GRK3: variants seen among roughly 807,000 people sequenced by gnomAD.
The protein encoded by GRK3 is adrenergic, beta, receptor kinase 2.
A neutral mutation model predicts 95.7 loss-of-function variants in GRK3; 54 were observed. That is an observed-to-expected ratio of 0.56 (90% CI 0.45 to 0.71). The LOEUF is 0.71. Ranked by LOEUF, GRK3 falls within the 30% of genes least tolerant of loss-of-function variation. The pLI, the probability that GRK3 is intolerant of heterozygous loss-of-function variation, is 0.00. For synonymous variants in GRK3, 281 were observed against 290.8 expected (o/e 0.97, Z 0.34); for missense variants, 649 against 851.2 (o/e 0.76, Z 2.96).
chr22:25,688,745 G>C (rs1031128383), intron 11 of GRK3, among the ~76,000 whole-genome samples: 1 of 152,254 alleles, frequency 6.6e-6, no homozygotes, highest in Admixed American at 6.5e-5. Flanking sequence ...AGCTGGCTCA[G>C]GGTGTCCATG....
Position 25,644,609 on chromosome 22 carries a change from G to C in GRK3, c.208G>C (p.Asp70His). ...NQKIGFLLFK[D>H]FCLNEINEAV... ...TCCTTTAGGTTTCTTGCTATTTAAAGATTTTTGTTTGAATGAAATTAATGA... is the reference window on the plus strand; with the variant it reads ...TCCTTTAGGTTTCTTGCTATTTAAACATTTTTGTTTGAATGAAATTAATGA... Residue 70 changes from aspartate to histidine, a missense_variant, in exon 3 of 21, where the codon GAT (aspartate) becomes CAT (histidine). Transcript: ENST00000324198. The C allele has an allele frequency of 6.4e-7, 1 of 1,560,312 alleles. No individual in the cohort carries two copies. The highest frequency in any genetic ancestry group is 8.8e-7 in the Non-Finnish European group (1 of 1,139,042).
chr22:25,699,672 CTATTTTCTTT>C (rs1254739009), intron 13 of GRK3, among the ~76,000 whole-genome samples: 1 of 148,886 alleles, frequency 6.7e-6, no homozygotes, highest in African/African-American at 2.5e-5. Context: ...AAGGGTCTTT[CTATTTTCTTT>C]TCTTTTCTTT....
chr22:25,670,396 G>T (rs2084971396), intron 6 of GRK3, among the ~76,000 whole-genome samples: 1 of 152,196 alleles, frequency 6.6e-6, no homozygotes, highest in South Asian at 2.1e-4. Context: ...AGCCACTTGG[G>T]GGGCTGAGGT....
intron 5 of GRK3, among the ~76,000 whole-genome samples, chr22:25,665,998 C>T (rs1389395706): frequency 3.3e-5 from 5 of 152,124 alleles, no homozygotes; most frequent in East Asian, 1.9e-4. Context: ...CGAATTCTCA[C>T]GACAGCCTTA....
At chr22:25,606,578 C>T (rs1187468414) in intron 2 of GRK3, among the ~76,000 whole-genome samples, 1 of 152,154 alleles carries the variant, frequency 6.6e-6, no homozygotes, top group East Asian at 1.9e-4. Context: ...CCTACTCTTT[C>T]CCTTCTCCAT....
chr22:25,590,330 G>A (rs1406781489), intron 1 of GRK3, among the ~76,000 whole-genome samples: 1 of 151,462 alleles, frequency 6.6e-6, no homozygotes, highest in Non-Finnish European at 1.5e-5. Flanking sequence ...AAAGAATACT[G>A]TTTTACTTGA....
In GRK3 at chr22:25,695,105, A is replaced by G; in HGVS notation, c.1053-2A>G. 1.9e-6 allele frequency: 3 copies of G among 1,611,216 alleles called. No homozygotes were observed. Among genetic ancestry groups the G allele is most frequent in the Non-Finnish European group, 2.5e-6 (3 of 1,177,622 alleles). ...TAACTGTGTATACTTTCTTCTCCCT[A>G]GTGGCACCCATGGGTACATGGCTCC... On this transcript the variant is annotated splice_acceptor_variant, in intron 12 of 20. Coordinates refer to ENST00000324198, the MANE Select transcript of GRK3 (RefSeq NM_005160.4). LOFTEE classifies it high-confidence loss of function.
chr22:25,595,543 G>A (rs939215201), intron 1 of GRK3, among the ~76,000 whole-genome samples: 1 of 152,210 alleles, frequency 6.6e-6, no homozygotes, highest in Non-Finnish European at 1.5e-5. Context: ...GAATAGTACA[G>A]TGAAGAAAAT....
chr22:25,657,492 T>A (rs533544427), intron 3 of GRK3, among the ~76,000 whole-genome samples: 10 of 152,288 alleles, frequency 6.6e-5, no homozygotes, highest in Non-Finnish European at 1.5e-4. Context: ...GACACTTCAG[T>A]CTTATGCTTA....
chr22:25,614,932 CAG>C (rs1368498382), intron 2 of GRK3, among the ~76,000 whole-genome samples: 2 of 152,112 alleles, frequency 1.3e-5, no homozygotes, highest in Non-Finnish European at 2.9e-5. Context: ...CATCCCTAAC[CAG>C]CTCACCCTGC....
chr22:25,679,728 A>G (rs2085060529), intron 9 of GRK3, among the ~76,000 whole-genome samples: 1 of 152,174 alleles, frequency 6.6e-6, no homozygotes, highest in Admixed American at 6.5e-5. Context: ...TTAGGGAGTC[A>G]GGACAGAGAG....
chr22:25,598,296 T>TA (rs978046154), intron 1 of GRK3, among the ~76,000 whole-genome samples: 3 of 151,546 alleles, frequency 2.0e-5, no homozygotes, highest in Non-Finnish European at 2.9e-5. Flanking sequence ...GGAGGGGAGA[T>TA]AAAAATTGAA....
rs1470691919 is a variant in GRK3 at position 25,727,926 on chromosome 22, A to G, written c.*5476A>G. On this transcript the variant is annotated 3_prime_UTR_variant, in exon 21 of 21. Coordinates refer to ENST00000324198, the MANE Select transcript of GRK3 (RefSeq NM_005160.4). ...TTTTATTGTTAAATGGTATTTTTCT[A>G]TGTTTAATTATAATAGATCTGGCTT... 2.0e-5 allele frequency: 3 copies of G among 152,146 alleles called. No individual in the cohort carries two copies. Among genetic ancestry groups the G allele is most frequent in the Non-Finnish European group, 4.4e-5 (3 of 68,022 alleles). The allele number at this position is 152,146 out of a possible 1,614,324, so 9.4% of individuals were successfully genotyped here.
chr22:25,567,882 C>A (rs1393604448), intron 1 of GRK3, among the ~76,000 whole-genome samples: 1 of 152,232 alleles, frequency 6.6e-6, no homozygotes, highest in Non-Finnish European at 1.5e-5. Flanking sequence ...CTGCCTATTA[C>A]AGGAGAGTCT....
rs544418149 is a variant in GRK3, at chr22:25,725,873, C to T, written c.*3423C>T. ...CTGAGGCAGGAGAATGGCATGAACC[C>T]GGGAGGCAGAGCTTGCAGTGAGCCG... On this transcript the variant is annotated 3_prime_UTR_variant, in exon 21 of 21. Coordinates refer to ENST00000324198, the MANE Select transcript of GRK3 (RefSeq NM_005160.4). The T allele has an allele frequency of 9.0e-5, 26 of 289,882 alleles. No individual in the cohort carries two copies. The South Asian group carries it at 1.3e-3, about 15-fold the overall frequency. The allele number at this position is 289,882 out of a possible 1,614,324, so 18.0% of individuals were successfully genotyped here. A position where few individuals can be genotyped will look rare whatever the true frequency, so the allele number is the denominator to read the frequency against.
chr22:25,695,023 G>A (rs999946315), intron 12 of GRK3, 84 bp from the exon 13 acceptor site: 2 of 891,712 alleles, frequency 2.2e-6, no homozygotes, highest in South Asian at 3.3e-5. Flanking sequence ...GCCATCTAAT[G>A]AAGGACACCC....
At chr22:25,690,055 G>A in intron 11 of GRK3, 134 bp from the exon 12 acceptor site, 1 of 634,624 alleles carries the variant, frequency 1.6e-6, no homozygotes, top group Non-Finnish European at 2.8e-6. Context: ...TGATGTGATG[G>A]GCTAAAGCTA....
intron 2 of GRK3, among the ~76,000 whole-genome samples, chr22:25,620,177 A>G (rs980068036): frequency 6.6e-6 from 1 of 152,092 alleles, no homozygotes; most frequent in African/African-American, 2.4e-5. Context: ...AATGGGGCGG[A>G]AACCAGCCAG....
chr22:25,719,709 GC>G (rs2085416482), intron 19 of GRK3, among the ~76,000 whole-genome samples: 1 of 106,254 alleles, frequency 9.4e-6, no homozygotes, highest in Non-Finnish European at 1.8e-5. Context: ...TGGGGGGGGG[GC>G]CTGGTGAGTC....
Sources: gnomAD v4.1 joint callset for allele counts (sites outside exome capture counted in the v4.1 genomes callset) on GRCh38, gnomAD v4.1.1 for gene constraint, MANE v1.5 for transcripts, NCBI Gene and HGNC (gene_info 2026-07-23, HGNC 2026-07-21) for gene names.